Variants in MRTFB observed in about 807,000 individuals in gnomAD.
The protein encoded by MRTFB is myocardin related transcription factor B.
A neutral mutation model predicts 104.2 loss-of-function variants in MRTFB; 29 were observed. The ratio of observed to expected loss-of-function variants is 0.28; its 90% CI spans 0.21 to 0.38. The LOEUF (loss-of-function observed/expected upper bound fraction) is 0.38, where lower values mean the gene tolerates loss of function less well. Among genes scored for constraint, MRTFB ranks in the 10% least tolerant of loss-of-function variants. MRTFB has a pLI of 1.00. For synonymous variants in MRTFB, 535 were observed against 519.5 expected, an observed-to-expected ratio of 1.03 and a Z score of -0.41; for missense variants, 1,270 against 1,341.6, an observed-to-expected ratio of 0.95 and a Z score of 0.83.
chr16:14,076,074 A>G (rs1213417030), intron 1 of MRTFB, among the ~76,000 whole-genome samples: 4 of 151,870 alleles, frequency 2.6e-5, no homozygotes, highest in African/African-American at 4.8e-5. Flanking sequence ...CTAATATACT[A>G]TATATACTCT....
chr16:14,065,187 C>T, the MRTFB span, among the ~76,000 whole-genome samples: 2 of 151,962 alleles, frequency 1.3e-5, no homozygotes, highest in African/African-American at 4.8e-5. Flanking sequence ...CCTGGGTAGC[C>T]GTATTCTTAG....
At chr16:14,044,264 C>G in the MRTFB span, among the ~76,000 whole-genome samples, 1 of 152,212 alleles carries the variant, frequency 6.6e-6, no homozygotes, top group Admixed American at 6.5e-5. Flanking sequence ...TTTCCTGTCA[C>G]CAAGCTGCCA....
the MRTFB span, among the ~76,000 whole-genome samples, chr16:14,003,660 C>CCTT: frequency 5.1e-5 from 2 of 38,870 alleles, no homozygotes; most frequent in African/African-American, 9.5e-5. Context: ...CTCCCTCCCT[C>CCTT]CCTCCCTCCC....
At chr16:14,186,445 C>T (rs1309221772) in intron 3 of MRTFB, among the ~76,000 whole-genome samples, 1 of 152,122 alleles carries the variant, frequency 6.6e-6, no homozygotes, top group African/African-American at 2.4e-5. Flanking sequence ...TTATAGAGAG[C>T]GGGAGAGAGA....
chr16:14,088,532 T>C (rs1332065957), intron 2 of MRTFB, among the ~76,000 whole-genome samples: 1 of 152,192 alleles, frequency 6.6e-6, no homozygotes, highest in Non-Finnish European at 1.5e-5. Context: ...CTGAACAGAA[T>C]GAAGATAACG....
At chr16:13,996,136 G>T in the MRTFB span, among the ~76,000 whole-genome samples, 1 of 152,032 alleles carries the variant, frequency 6.6e-6, no homozygotes, top group South Asian at 2.1e-4. Flanking sequence ...GCCAGGCATG[G>T]TAGTACACAC....
chr16:14,018,959 A>T, the MRTFB span: 1 of 152,172 alleles, frequency 6.6e-6, no homozygotes, highest in East Asian at 1.9e-4. Context: ...GTTACTGATC[A>T]TTGGCTATTC....
At chr16:14,190,696 T>C (rs1249782550) in intron 3 of MRTFB, among the ~76,000 whole-genome samples, 3 of 152,232 alleles carry the variant, frequency 2.0e-5, no homozygotes, top group African/African-American at 4.8e-5. Context: ...CAACCCTCAA[T>C]CGCAGTGTTT....
rs866512883 is a variant in MRTFB, at chr16:14,246,690, C to T, written c.1430C>T (p.Ser477Leu). The T allele has an allele frequency of 1.9e-6, 3 of 1,614,070 alleles. No homozygotes were observed. Among genetic ancestry groups the T allele is most frequent in the African/African-American group, 2.7e-5 (2 of 74,920 alleles). Residue 477 changes from serine (S) to leucine (L), a missense_variant, in exon 12 of 17, where the codon TCA (serine) becomes TTA (leucine). Ser to Leu is a moderately radical substitution (Grantham distance 145, BLOSUM62 -2). Coordinates refer to ENST00000571589, the MANE Select transcript of MRTFB (RefSeq NM_001308142.2). ...ACACTACACAACACTGTGACTAGCT[C>T]AGTCTCTACTCTCAAGGCAGAATTG... Reference protein sequence around the residue: ...VTTLHNTVTSSVSTLKAELPP... With the variant: ...VTTLHNTVTSLVSTLKAELPP...
At chr16:14,019,002 C>G in the MRTFB span, 2 of 152,090 alleles carry the variant, frequency 1.3e-5, no homozygotes, top group African/African-American at 4.8e-5. Context: ...CCTGTTGACT[C>G]AAAGGCATGA....
the MRTFB span, among the ~76,000 whole-genome samples, chr16:14,003,755 G>A: frequency 6.6e-6 from 1 of 151,168 alleles, no homozygotes; most frequent in African/African-American, 2.4e-5. Context: ...AGACTAGAGG[G>A]GGGAAACTCA....
At chr16:14,164,638 T>C (rs2068364007) in intron 3 of MRTFB, among the ~76,000 whole-genome samples, 1 of 152,244 alleles carries the variant, frequency 6.6e-6, no homozygotes, top group Non-Finnish European at 1.5e-5. Flanking sequence ...TGGCTTCACA[T>C]GTGCCAGGCA....
At chr16:14,157,253 A>G (rs952110554) in intron 3 of MRTFB, among the ~76,000 whole-genome samples, 2 of 152,238 alleles carry the variant, frequency 1.3e-5, no homozygotes, top group East Asian at 3.8e-4. Flanking sequence ...ACAACATGTC[A>G]TAGATTCTCA....
chr16:14,183,917 AAC>A (rs1272304011), intron 3 of MRTFB, among the ~76,000 whole-genome samples: 1 of 152,030 alleles, frequency 6.6e-6, no homozygotes, highest in Non-Finnish European at 1.5e-5. Flanking sequence ...GCTTTTTAAA[AAC>A]ACATTTAACA....
Position 14,071,971 on chromosome 16 carries a change from A to G in MRTFB, c.-129+606A>G, listed in dbSNP as rs576880172. Among the ~76,000 whole-genome samples the G allele has an allele frequency of 2.2e-3, 338 of 152,238 alleles. 1 individual carries two copies. The highest frequency in any genetic ancestry group is 3.7e-3 in the Non-Finnish European group (254 of 68,000). ...TGTCTCGTTCCTAAAAGGGTCCCCGATCCCCAAGTGGTCAAGAACCATTGT... is the reference window on the plus strand; with the variant it reads ...TGTCTCGTTCCTAAAAGGGTCCCCGGTCCCCAAGTGGTCAAGAACCATTGT... On this transcript the variant is annotated intron_variant, in intron 1 of 16. Coordinates refer to ENST00000571589, the MANE Select transcript of MRTFB (RefSeq NM_001308142.2).
the MRTFB span, among the ~76,000 whole-genome samples, chr16:14,054,915 G>T: frequency 6.6e-6 from 1 of 152,096 alleles, no homozygotes; most frequent in Non-Finnish European, 1.5e-5. Context: ...TCATTAAAAA[G>T]CAAAAAACCT....
At chr16:14,017,711 A>ATATT in the MRTFB span, among the ~76,000 whole-genome samples, 150 of 33,588 alleles carry the variant, frequency 4.5e-3, 21 homozygotes, top group African/African-American at 0.019. Context: ...ATATATATAT[A>ATATT]TTTTTTTTTT....
intron 3 of MRTFB, among the ~76,000 whole-genome samples, chr16:14,184,736 G>A (rs1441234541): frequency 1.3e-5 from 2 of 152,152 alleles, no homozygotes; most frequent in Non-Finnish European, 2.9e-5. Flanking sequence ...TCAAAGTCAT[G>A]GCTTCTGCTA....
At chr16:14,072,888 T>C (rs2033803128) in intron 1 of MRTFB, among the ~76,000 whole-genome samples, 2 of 152,194 alleles carry the variant, frequency 1.3e-5, no homozygotes, top group African/African-American at 4.8e-5. Flanking sequence ...TGTAGAATTT[T>C]TTGTGTCACA....
Sources: gnomAD v4.1 joint callset for allele counts (sites outside exome capture counted in the v4.1 genomes callset) on GRCh38, gnomAD v4.1.1 for gene constraint, MANE v1.5 for transcripts, NCBI Gene and HGNC (gene_info 2026-07-23, HGNC 2026-07-21) for gene names.